The following CCDC14 variants were observed in gnomAD, a reference collection of about 807,000 sequenced individuals.
CCDC14 encodes coiled-coil domain-containing protein 14.
A neutral mutation model predicts 81.4 loss-of-function variants in CCDC14; 71 were observed. The observed-to-expected ratio is 0.87, with a 90% CI of 0.72 to 1.06. The LOEUF (loss-of-function observed/expected upper bound fraction) is 1.06. Ranked by LOEUF, CCDC14 falls within the 50% of genes least tolerant of loss-of-function variation. CCDC14 has a pLI of 0.00. For missense variants in CCDC14, 1,046 were observed against 1,047.3 expected (o/e 1.00, Z 0.02); for synonymous variants, 332 against 364.8 (o/e 0.91, Z 1.03).
chr3:123,889,608 G>A, the CCDC14 span, among the ~76,000 whole-genome samples: 1 of 152,202 alleles, frequency 6.6e-6, no homozygotes, highest in East Asian at 1.9e-4. Context: ...GGTCTGCAGG[G>A]TATAGCCCCT....
intron 5 of CCDC14, among the ~76,000 whole-genome samples, chr3:123,906,407 G>C (rs1254700382): frequency 6.8e-6 from 1 of 147,508 alleles, no homozygotes; most frequent in Non-Finnish European, 1.5e-5. Flanking sequence ...TCCTCTAGAA[G>C]AGTTAAGAAT....
intron 5 of CCDC14, chr3:123,897,662 A>G: frequency 9.8e-6 from 9 of 915,386 alleles, no homozygotes; most frequent in Non-Finnish European, 1.3e-5. Context: ...TTGGGATTAC[A>G]TTCTATTATT....
At chr3:123,916,870 C>T (rs996333163) in intron 12 of CCDC14, among the ~76,000 whole-genome samples, 4 of 151,852 alleles carry the variant, frequency 2.6e-5, no homozygotes, top group Non-Finnish European at 5.9e-5. Flanking sequence ...GATGGAGTCT[C>T]ACTCTATCAC....
intron 10 of CCDC14, among the ~76,000 whole-genome samples, chr3:123,933,097 AAAACAAAC>A (rs761660866): frequency 8.0e-5 from 6 of 75,240 alleles, no homozygotes; most frequent in African/African-American, 1.4e-4. Flanking sequence ...ACGCCGTCTC[AAAACAAAC>A]AAACAAACAA....
At chr3:123,951,180 A>C (rs2036998081) in intron 5 of CCDC14, among the ~76,000 whole-genome samples, 1 of 152,186 alleles carries the variant, frequency 6.6e-6, no homozygotes, top group South Asian at 2.1e-4. Context: ...CTATTTTATA[A>C]GATTATTGAG....
downstream of CCDC14, among the ~76,000 whole-genome samples, chr3:123,896,136 T>A (rs2034059097): frequency 6.6e-6 from 1 of 152,216 alleles, no homozygotes; most frequent in African/African-American, 2.4e-5. Context: ...AGAGATGCGG[T>A]CTTTAAGAAG....
intron 9 of CCDC14, among the ~76,000 whole-genome samples, chr3:123,943,990 A>G (rs1458173115): frequency 1.3e-5 from 2 of 152,148 alleles, no homozygotes; most frequent in African/African-American, 4.8e-5. Flanking sequence ...TTTATAGCCA[A>G]TCAGTCAGAA....
intron 12 of CCDC14, among the ~76,000 whole-genome samples, chr3:123,916,598 A>G (rs1369747229): frequency 6.6e-6 from 1 of 152,068 alleles, no homozygotes; most frequent in East Asian, 1.9e-4. Flanking sequence ...AAAACCACAG[A>G]AGGTTTGAAG....
chr3:123,898,119 ATC>A (rs2034107260), intron 5 of CCDC14, among the ~76,000 whole-genome samples: 1 of 152,220 alleles, frequency 6.6e-6, no homozygotes, highest in African/African-American at 2.4e-5. Flanking sequence ...TAGTGTGAAC[ATC>A]TGAGTCACTG....
intron 12 of CCDC14, among the ~76,000 whole-genome samples, chr3:123,919,152 C>A (rs2034892471): frequency 6.6e-6 from 1 of 152,118 alleles, no homozygotes; most frequent in Admixed American, 6.5e-5. Context: ...TGGAGGTCGG[C>A]ATCTGGCCCT....
chr3:123,948,564 C>CA lies in CCDC14; in HGVS notation c.684+126dup, dbSNP rs879078944. ...CCATAAACATGTAAAACTTTTATAG[C>CA]AAAAAAAAATAAACAACTGGTCTTT... On this transcript the variant is annotated intron_variant, in intron 7 of 12. Transcript: ENST00000409697. 1.7e-3 allele frequency: 1,371 copies of CA among 788,178 alleles called. 3 individuals carry two copies. The highest frequency in any genetic ancestry group is 7.2e-3 in the South Asian group (370 of 51,518). The allele number at this position is 788,178 out of a possible 1,614,324, so 48.8% of individuals were successfully genotyped here.
intron 1 of CCDC14, among the ~76,000 whole-genome samples, chr3:123,959,374 G>A (rs182909968): frequency 4.1e-4 from 63 of 152,164 alleles, no homozygotes; most frequent in Non-Finnish European, 8.4e-4. Context: ...TGCATTTCCT[G>A]GATTAGTGAT....
chr3:123,914,754 G>C lies in CCDC14; in HGVS notation c.*25C>G. 1 of 1,477,756 alleles carries C rather than the reference G, an allele frequency of 6.8e-7. No homozygotes were observed. The highest frequency in any genetic ancestry group is 9.0e-7 in the Non-Finnish European group (1 of 1,116,284). The allele number at this position is 1,477,756 out of a possible 1,614,324, so 91.5% of individuals were successfully genotyped here. The stretch of plus-strand genomic sequence containing the variant: ...AGCCAAGTTCTAGTTTTAAAAAGAA[G>C]CACCTGATGAGTTTTCTTCTGAATT... On this transcript the variant is annotated 3_prime_UTR_variant, in exon 13 of 13. Transcript: ENST00000409697.
rs1450642826 is a variant in CCDC14, at chr3:123,961,147, G to A, written c.27C>T (p.Gly9=). 1.9e-6 allele frequency: 3 copies of A among 1,551,306 alleles called. No homozygotes were observed. The Admixed American group carries it at 5.9e-5, about 30-fold the overall frequency. Residue 9 remains glycine (G), a synonymous_variant, in exon 1 of 13, where the codon GGC becomes GGT. Coordinates refer to ENST00000409697, the MANE Select transcript of CCDC14 (RefSeq NM_001366335.1). MVRSGARP[G]QVLSSGRHTG... ...TCCTCAGGTCCTCAGCCCTCACCTG[G>A]CCCGGTCGAGCTCCAGACCTGACCA...
intron 9 of CCDC14, among the ~76,000 whole-genome samples, chr3:123,935,614 T>C (rs1415462306): frequency 6.6e-6 from 1 of 152,196 alleles, no homozygotes; most frequent in Non-Finnish European, 1.5e-5. Context: ...CGTGAAAAGA[T>C]CTCTGAGACA....
At chr3:123,897,076 T>C (rs2034076427), downstream of CCDC14, among the ~76,000 whole-genome samples, 1 of 152,174 alleles carries the variant, frequency 6.6e-6, no homozygotes, top group African/African-American at 2.4e-5. Flanking sequence ...GCATTGGGAT[T>C]TCAACCTGAG....
chr3:123,906,902 T>C (rs1280823154), intron 5 of CCDC14, among the ~76,000 whole-genome samples: 2 of 152,252 alleles, frequency 1.3e-5, no homozygotes, highest in African/African-American at 4.8e-5. Flanking sequence ...GTGTAATGTG[T>C]CCTTCCATCT....
At chr3:123,892,210 A>G in the CCDC14 span, among the ~76,000 whole-genome samples, 2 of 152,190 alleles carry the variant, frequency 1.3e-5, no homozygotes, top group African/African-American at 2.4e-5. Context: ...TCAGTTCCCA[A>G]AAACTCAACT....
chr3:123,946,717 C>A, intron 8 of CCDC14, 86 bp downstream of exon 8: 1 of 1,298,266 alleles, frequency 7.7e-7, no homozygotes, highest in Admixed American at 2.3e-5. Context: ...GAAAATACCA[C>A]AAACTCCATT....
Sources: gnomAD v4.1 joint callset for allele counts (sites outside exome capture counted in the v4.1 genomes callset) on GRCh38, gnomAD v4.1.1 for gene constraint, MANE v1.5 for transcripts, NCBI Gene and HGNC (gene_info 2026-07-23, HGNC 2026-07-21) for gene names.